PHC3: variants seen among roughly 807,000 people sequenced by gnomAD.
The protein encoded by PHC3 is polyhomeotic homolog 3.
Under a neutral mutation model 107.4 loss-of-function variants are expected in PHC3, and 13 were observed. That is an observed-to-expected ratio of 0.12 (90% CI 0.08 to 0.19). The LOEUF (loss-of-function observed/expected upper bound fraction) is 0.19. Among genes scored for constraint, PHC3 ranks in the 10% least tolerant of loss-of-function variants. PHC3 has a pLI of 1.00. For synonymous variants in PHC3, 456 were observed against 427.4 expected (o/e 1.07, Z -0.83); for missense variants, 992 against 1,210.9 (o/e 0.82, Z 2.68).
chr3:170,136,035 C>T (rs999956415), intron 7 of PHC3, among the ~76,000 whole-genome samples: 4 of 152,086 alleles, frequency 2.6e-5, no homozygotes, highest in African/African-American at 9.7e-5. Flanking sequence ...CAAATTTCTC[C>T]CACTGATAAC....
At chr3:170,164,852 A>G (rs1283952249) in intron 4 of PHC3, among the ~76,000 whole-genome samples, 3 of 152,162 alleles carry the variant, frequency 2.0e-5, no homozygotes, top group African/African-American at 7.2e-5. Flanking sequence ...CTTTTAGACA[A>G]TAATTACTCT....
At position 170,136,683 on chromosome 3, in the gene PHC3, G is replaced by T. The variant is rs747126353; in HGVS notation, c.673-18C>A. ...TTCTGAACCTAAGAACCACATAACA[G>T]AAAATTAGGATGAAAACAGATGGTT... On this transcript the variant is annotated intron_variant, in intron 6 of 14. Transcript: ENST00000495893. The T allele has an allele frequency of 6.2e-7, 1 of 1,609,442 alleles. No individual in the cohort carries two copies. Among genetic ancestry groups the T allele is most frequent in the South Asian group, 1.1e-5 (1 of 90,266 alleles).
At chr3:170,165,147 T>C (rs1285371802) in intron 4 of PHC3, among the ~76,000 whole-genome samples, 1 of 152,080 alleles carries the variant, frequency 6.6e-6, no homozygotes, top group East Asian at 1.9e-4. Context: ...CACCCCAGCT[T>C]AGCAATTAAG....
chr3:170,164,697 T>G (rs1173689776), intron 4 of PHC3, among the ~76,000 whole-genome samples: 1 of 152,190 alleles, frequency 6.6e-6, no homozygotes, highest in East Asian at 1.9e-4. Context: ...GATTTTCATT[T>G]TGCCTCTTAT....
At chr3:170,122,564 T>C (rs1483711331) in intron 9 of PHC3, 27 bp downstream of exon 9, 1 of 1,609,136 alleles carries the variant, frequency 6.2e-7, no homozygotes, top group Non-Finnish European at 8.5e-7. Context: ...AATAGAAAAA[T>C]TCCCACAAAT....
chr3:170,143,919 T>C (rs924920447), intron 6 of PHC3, among the ~76,000 whole-genome samples: 1 of 152,190 alleles, frequency 6.6e-6, no homozygotes, highest in Non-Finnish European at 1.5e-5. Context: ...GAATTTCATA[T>C]AATGGAATCA....
At chr3:170,172,152 G>A (rs575522420) in intron 3 of PHC3, among the ~76,000 whole-genome samples, 4 of 152,160 alleles carry the variant, frequency 2.6e-5, no homozygotes, top group African/African-American at 9.6e-5. Flanking sequence ...CAGGGAAAAG[G>A]AACAGCTTTA....
At chr3:170,152,337 ATTTTTTTTTTT>A (rs1220193435) in intron 4 of PHC3, among the ~76,000 whole-genome samples, 6 of 122,164 alleles carry the variant, frequency 4.9e-5, no homozygotes, top group Non-Finnish European at 8.5e-5. Flanking sequence ...CGCCTGGCTA[ATTTTTTTTTTT>A]TTTTTTTTTT....
At chr3:170,102,779 A>T in intron 13 of PHC3, 23 bp downstream of exon 13, 2 of 1,613,546 alleles carry the variant, frequency 1.2e-6, no homozygotes, top group Non-Finnish European at 1.7e-6. Flanking sequence ...GGTATTTTAC[A>T]TTGAAGCAAG....
chr3:170,108,428 TG>T (rs1053877907), intron 11 of PHC3, among the ~76,000 whole-genome samples: 2 of 152,156 alleles, frequency 1.3e-5, no homozygotes, highest in Non-Finnish European at 2.9e-5. Context: ...TATTTGACAT[TG>T]GTGGGGCATC....
intron 1 of PHC3, 59 bp downstream of exon 1, chr3:170,181,643 T>G: frequency 6.2e-7 from 1 of 1,611,614 alleles, no homozygotes; most frequent in South Asian, 1.1e-5. Flanking sequence ...TGGGGGAACG[T>G]GTCGCTGCCC....
intron 9 of PHC3, among the ~76,000 whole-genome samples, chr3:170,120,357 GGGT>G (rs771921985): frequency 5.9e-5 from 9 of 152,100 alleles, no homozygotes; most frequent in Non-Finnish European, 8.8e-5. Context: ...AGGCCGAAGT[GGGT>G]GGATCACCTG....
intron 4 of PHC3, 86 bp from the exon 5 acceptor site, chr3:170,149,330 C>A: frequency 7.4e-7 from 1 of 1,348,248 alleles, no homozygotes; most frequent in East Asian, 2.4e-5. Flanking sequence ...GTTAGGCAAT[C>A]AATGGTATAA....
At position 170,140,591 on chromosome 3, in the gene PHC3, T is replaced by C. The variant is rs1486789956; in HGVS notation, c.673-3926A>G. On this transcript the variant is annotated intron_variant, in intron 6 of 14. Coordinates refer to ENST00000495893, the MANE Select transcript of PHC3 (RefSeq NM_024947.4). ...TCTTACTCATTTCTTTTTCTTTTTT[T>C]TTTTTTTTTTTTTTTTTTTTGAGAC... is the stretch of plus-strand genomic sequence containing the variant. Among the ~76,000 whole-genome samples, 9 of 122,278 alleles carry C rather than the reference T, an allele frequency of 7.4e-5. No individual in the cohort carries two copies. In the South Asian group the frequency reaches 9.4e-4, roughly 13 times the overall value. 80.2% of individuals were successfully genotyped at this position (122,278 alleles called of 152,430 possible). A position where few individuals can be genotyped will look rare whatever the true frequency, so the allele number is the denominator to read the frequency against.
chr3:170,114,262 G>A (rs1718459048), intron 10 of PHC3, among the ~76,000 whole-genome samples: 1 of 152,148 alleles, frequency 6.6e-6, no homozygotes, highest in African/African-American at 2.4e-5. Context: ...ACCCACCTCA[G>A]CCTCCCGAAG....
intron 2 of PHC3, among the ~76,000 whole-genome samples, chr3:170,174,908 T>C (rs1307171000): frequency 6.6e-6 from 1 of 152,192 alleles, no homozygotes; most frequent in Admixed American, 6.5e-5. Flanking sequence ...ATAACAAAAT[T>C]CTAAAAGCAC....
chr3:170,155,953 G>C (rs1234116404), intron 4 of PHC3, among the ~76,000 whole-genome samples: 2 of 151,996 alleles, frequency 1.3e-5, no homozygotes, highest in African/African-American at 4.8e-5. Flanking sequence ...ATTAATTTTA[G>C]AATCAGAGAG....
chr3:170,161,580 C>T (rs1175517428), intron 4 of PHC3, among the ~76,000 whole-genome samples: 2 of 152,176 alleles, frequency 1.3e-5, no homozygotes, highest in Non-Finnish European at 2.9e-5. Context: ...AGAGCTCAGG[C>T]GATAATGCTT....
chr3:170,180,174 G>A (rs1215445375), intron 1 of PHC3, among the ~76,000 whole-genome samples: 1 of 151,922 alleles, frequency 6.6e-6, no homozygotes, highest in African/African-American at 2.4e-5. Context: ...GGAAAAGTGG[G>A]GGCCTTGAGT....
Sources: allele counts gnomAD v4.1 joint callset (sites outside exome capture counted in the v4.1 genomes callset), GRCh38; gene constraint gnomAD v4.1.1; transcripts MANE v1.5; gene names NCBI Gene and HGNC (gene_info 2026-07-23, HGNC 2026-07-21).